The following RNF13 variants were observed in gnomAD, a reference collection of about 807,000 sequenced individuals.
RNF13 encodes ring finger protein 13.
RNF13 carries 19 observed loss-of-function variants against 37.7 expected under a neutral mutation model. The observed-to-expected ratio is 0.50, with a 90% confidence interval of 0.35 to 0.74. RNF13 has a LOEUF of 0.74. RNF13 is among the 30% of genes least tolerant of loss of function. The pLI is 0.01. For synonymous variants in RNF13, 144 were observed against 157.8 expected, an observed-to-expected ratio of 0.91 and a Z score of 0.65; for missense variants, 375 against 453.0, an observed-to-expected ratio of 0.83 and a Z score of 1.56.
At position 149,814,664 on chromosome 3, in the gene RNF13, C is replaced by T. The variant is rs114576258; in HGVS notation, c.-17+1311C>T. Among the ~76,000 whole-genome samples, 949 of 152,146 alleles carry T rather than the reference C, an allele frequency of 6.2e-3. 10 individuals carry two copies. The highest frequency in any genetic ancestry group is 0.022 in the African/African-American group (897 of 41,498). On this transcript the variant is annotated intron_variant, in intron 1 of 9. Transcript: ENST00000392894. ...TCAGTTTTTAACAGTATGTGTGTGTCAAGAGGAAGATGGAAATGTAAAGTG... is the reference window on the plus strand; with the variant it reads ...TCAGTTTTTAACAGTATGTGTGTGTTAAGAGGAAGATGGAAATGTAAAGTG...
chr3:149,822,373 A>T (rs2108315917), intron 1 of RNF13: 1 of 152,124 alleles, frequency 6.6e-6, no homozygotes, highest in East Asian at 1.9e-4. Context: ...TGGGTATTGT[A>T]TTCATTTGGA....
chr3:149,884,802 A>G lies in RNF13; in HGVS notation c.322-10671A>G, dbSNP rs746639034. On this transcript the variant is annotated intron_variant, in intron 4 of 9. Coordinates refer to ENST00000392894, the MANE Select transcript of RNF13 (RefSeq NM_183381.3). ...CTTTAGAATGTACAATTAAATTATT[A>G]ACTATAGTAACCCTGTTGTGCTATC... Among the ~76,000 whole-genome samples the G allele has an allele frequency of 8.6e-5, 13 of 151,996 alleles. 1 individual carries two copies. In the South Asian group the frequency reaches 2.1e-3, roughly 24 times the overall value.
intron 3 of RNF13, among the ~76,000 whole-genome samples, chr3:149,862,610 C>G (rs755479057): frequency 3.3e-5 from 5 of 152,028 alleles, no homozygotes; most frequent in Non-Finnish European, 7.4e-5. Flanking sequence ...TTACATATTC[C>G]TAATTCATTT....
intron 1 of RNF13, chr3:149,822,515 A>G (rs1451720405): frequency 6.6e-6 from 1 of 152,094 alleles, no homozygotes; most frequent in Non-Finnish European, 1.5e-5. Context: ...TTCCATGTGC[A>G]AGCTGAATCA....
Position 149,941,656 on chromosome 3 carries a change from T to C in RNF13, c.701-18400T>C, listed in dbSNP as rs184188390. Among the ~76,000 whole-genome samples the C allele has an allele frequency of 5.3e-5, 8 of 151,834 alleles. No homozygotes were observed. In the East Asian group the frequency reaches 1.5e-3, roughly 29 times the overall value. On this transcript the variant is annotated intron_variant, in intron 8 of 9. Coordinates refer to ENST00000392894, the MANE Select transcript of RNF13 (RefSeq NM_183381.3). The stretch of plus-strand genomic sequence containing the variant: ...CAGTCCATAAGCTGCCCCTTCACTC[T>C]GTCGATCATGTCTGTTTATGCACAA...
At chr3:149,815,125 G>T (rs776470923) in intron 1 of RNF13, among the ~76,000 whole-genome samples, 4 of 152,086 alleles carry the variant, frequency 2.6e-5, no homozygotes, top group Non-Finnish European at 5.9e-5. Flanking sequence ...ATTGTTGCTA[G>T]CATTCAGCTT....
intron 8 of RNF13, among the ~76,000 whole-genome samples, chr3:149,955,281 ATTT>A (rs1023817357): frequency 3.3e-5 from 5 of 151,658 alleles, no homozygotes; most frequent in Non-Finnish European, 5.9e-5. Flanking sequence ...AAATTTTATA[ATTT>A]TTTACTTATA....
In RNF13 at chr3:149,903,975, CTAT is replaced by C. The variant is rs1576851916; in HGVS notation, c.500+1814_500+1816del. On this transcript the variant is annotated intron_variant, in intron 6 of 9. Coordinates refer to ENST00000392894, the MANE Select transcript of RNF13 (RefSeq NM_183381.3). ...TCTGTCTGTCTGTCTGTCTGTCTATCTATCTACCTACCTACCTACCTATACCTA... is the reference window on the plus strand; with the variant it reads ...TCTGTCTGTCTGTCTGTCTGTCTATCCTACCTACCTACCTACCTATACCTA... Among the ~76,000 whole-genome samples, 3 of 152,042 alleles carry C rather than the reference CTAT, an allele frequency of 2.0e-5. No individual in the cohort carries two copies. The East Asian group carries it at 5.8e-4, about 29-fold the overall frequency.
intron 2 of RNF13, chr3:149,851,506 G>C (rs1723117671): frequency 6.6e-6 from 1 of 152,228 alleles, no homozygotes; most frequent in Non-Finnish European, 1.5e-5. Context: ...TCCATGCTTT[G>C]TGAATACTTA....
At chr3:149,916,692 AAAAC>A (rs934668054) in intron 7 of RNF13, among the ~76,000 whole-genome samples, 17 of 152,166 alleles carry the variant, frequency 1.1e-4, no homozygotes, top group Non-Finnish European at 5.9e-5. Context: ...AGAAAACCAA[AAAAC>A]AAACAAACAA....
chr3:149,875,233 A>G (rs1249259492), intron 4 of RNF13, among the ~76,000 whole-genome samples: 2 of 152,152 alleles, frequency 1.3e-5, no homozygotes, highest in African/African-American at 4.8e-5. Flanking sequence ...CATACAAATT[A>G]TCTCAGACAA....
chr3:149,844,425 T>G (rs1722453491), intron 1 of RNF13, among the ~76,000 whole-genome samples: 1 of 152,196 alleles, frequency 6.6e-6, no homozygotes, highest in Admixed American at 6.5e-5. Context: ...GGGAAGCTCA[T>G]TAGAGACTCA....
Position 149,855,328 on chromosome 3 carries a change from A to G in RNF13, c.195+2732A>G, listed in dbSNP as rs375106830. On this transcript the variant is annotated intron_variant, in intron 3 of 9. Coordinates refer to ENST00000392894, the MANE Select transcript of RNF13 (RefSeq NM_183381.3). ...AGTGAGACCTTGTCTCAAAAATAAA[A>G]ATAAATAAATAACTACTCTGCAGTT... Among the ~76,000 whole-genome samples the G allele has an allele frequency of 1.3e-4, 20 of 151,834 alleles. No individual in the cohort carries two copies. The East Asian group carries it at 3.9e-3, about 29-fold the overall frequency.
At chr3:149,954,603 C>A (rs1721680881) in intron 8 of RNF13, among the ~76,000 whole-genome samples, 1 of 152,144 alleles carries the variant, frequency 6.6e-6, no homozygotes, top group Non-Finnish European at 1.5e-5. Flanking sequence ...TTAAAAACAA[C>A]TTGAATATAG....
intron 1 of RNF13, chr3:149,817,353 C>T (rs893560186): frequency 4.6e-5 from 7 of 152,104 alleles, no homozygotes; most frequent in Admixed American, 2.6e-4. Flanking sequence ...ACTTTTAGAC[C>T]TAGCAAGGCT....
intron 8 of RNF13, among the ~76,000 whole-genome samples, chr3:149,934,669 T>C (rs989782346): frequency 6.6e-6 from 1 of 152,006 alleles, no homozygotes; most frequent in Non-Finnish European, 1.5e-5. Flanking sequence ...TTTTTTTTTT[T>C]CCTGAGGCAG....
At chr3:149,849,306 C>G (rs1722928085) in intron 2 of RNF13, among the ~76,000 whole-genome samples, 1 of 152,062 alleles carries the variant, frequency 6.6e-6, no homozygotes, top group Admixed American at 6.6e-5. Flanking sequence ...AGCTTGATGC[C>G]CAGTCTGCCT....
At position 149,961,574 on chromosome 3, in the gene RNF13, T is replaced by A; in HGVS notation, c.*470T>A. The A allele has an allele frequency of 3.2e-6, 1 of 312,392 alleles. No homozygotes were observed. The highest frequency in any genetic ancestry group is 2.7e-5 in the South Asian group (1 of 36,644). 19.4% of individuals were successfully genotyped at this position (312,392 alleles called of 1,614,324 possible). A position where few individuals can be genotyped will look rare whatever the true frequency, so the allele number is the denominator to read the frequency against. On this transcript the variant is annotated 3_prime_UTR_variant, in exon 10 of 10. Transcript: ENST00000392894. ...CATTAGGGAGAGGCAACAAGGTAATTCAGCCTTTCCTCCTATCAGCACAAA... is the reference window on the plus strand; with the variant it reads ...CATTAGGGAGAGGCAACAAGGTAATACAGCCTTTCCTCCTATCAGCACAAA...
chr3:149,960,124 C>A lies in RNF13; in HGVS notation c.769C>A (p.Pro257Thr). ...AGATGGAGACAAACTCAGAATCCTTCCCTGTTCCCATGGTATGAGTAATTA... is the reference window on the plus strand; with the variant it reads ...AGATGGAGACAAACTCAGAATCCTTACCTGTTCCCATGGTATGAGTAATTA... The part of the protein sequence containing the change: ...YEDGDKLRIL[P>T]CSHAYHCKCV... Residue 257 changes from proline (P) to threonine (T), a missense_variant, in exon 9 of 10, where the codon CCC (proline) becomes ACC (threonine). Coordinates refer to ENST00000392894, the MANE Select transcript of RNF13 (RefSeq NM_183381.3). The A allele has an allele frequency of 6.2e-7, 1 of 1,604,662 alleles. No homozygotes were observed. The highest frequency in any genetic ancestry group is 8.5e-7 in the Non-Finnish European group (1 of 1,171,480).
Sources: allele counts gnomAD v4.1 joint callset (sites outside exome capture counted in the v4.1 genomes callset), GRCh38; gene constraint gnomAD v4.1.1; transcripts MANE v1.5; gene names NCBI Gene and HGNC (gene_info 2026-07-23, HGNC 2026-07-21).